The following IQCJ variants were observed in gnomAD, a reference collection of about 807,000 sequenced individuals.
The protein encoded by IQCJ is IQ motif containing J.
Under a neutral mutation model 11.0 loss-of-function variants are expected in IQCJ, and 9 were observed. That is an observed-to-expected ratio of 0.82 (90% CI 0.49 to 1.43). IQCJ has a LOEUF of 1.43. IQCJ is among the 40% of genes most tolerant of loss of function. IQCJ has a pLI of 0.00. For synonymous variants in IQCJ, 55 were observed against 51.3 expected, an observed-to-expected ratio of 1.07 and a Z score of -0.31; for missense variants, 146 against 133.2, an observed-to-expected ratio of 1.10 and a Z score of -0.47.
At chr3:159,128,109 T>A (rs1419385733) in intron 1 of IQCJ, among the ~76,000 whole-genome samples, 1 of 152,218 alleles carries the variant, frequency 6.6e-6, no homozygotes, top group Non-Finnish European at 1.5e-5. Flanking sequence ...AACACAGAAT[T>A]TTTTTATTTC....
At chr3:159,089,107 C>T (rs1007856492) in intron 1 of IQCJ, among the ~76,000 whole-genome samples, 1 of 152,070 alleles carries the variant, frequency 6.6e-6, no homozygotes, top group African/African-American at 2.4e-5. Flanking sequence ...TCTTTTAGGG[C>T]AGGCCTGGTG....
chr3:159,101,566 T>G lies in IQCJ; in HGVS notation c.9+32125T>G, dbSNP rs187900264. 4.1e-3 allele frequency among the ~76,000 whole-genome samples: 631 copies of G among 152,340 alleles called. 2 individuals carry two copies. The highest frequency in any genetic ancestry group is 7.2e-3 in the Non-Finnish European group (487 of 68,042). On this transcript the variant is annotated intron_variant, in intron 1 of 3. Coordinates refer to ENST00000397832, the MANE Select transcript of IQCJ (RefSeq NM_001042706.3). ...GTGTTTCATTATAACGGCAACCTTCTTTGTTCATTGACATCTTCTCTGCAC... is the reference window on the plus strand; with the variant it reads ...GTGTTTCATTATAACGGCAACCTTCGTTGTTCATTGACATCTTCTCTGCAC...
chr3:159,146,320 T>TAA, intron 1 of IQCJ, among the ~76,000 whole-genome samples: 1 of 150,400 alleles, frequency 6.6e-6, no homozygotes, highest in East Asian at 1.9e-4. Flanking sequence ...TAAATCCAAG[T>TAA]AAAAAAAAAG....
chr3:159,253,680 C>T (rs1009624930), intron 3 of IQCJ, among the ~76,000 whole-genome samples: 3 of 151,524 alleles, frequency 2.0e-5, no homozygotes, highest in South Asian at 2.1e-4. Context: ...AGAATTTAAA[C>T]GAGAATGTTA....
Position 159,129,234 on chromosome 3 carries a change from T to TGA in IQCJ, c.9+59793_9+59794insGA. On this transcript the variant is annotated intron_variant, in intron 1 of 3. Coordinates refer to ENST00000397832, the MANE Select transcript of IQCJ (RefSeq NM_001042706.3). ...TTGCCTGGGCCACACATCCTGTAAC[T>TGA]AGCAGAAAGTTGGGATGATAACAAG... Among the ~76,000 whole-genome samples, 2 of 152,192 alleles carry TGA rather than the reference T, an allele frequency of 1.3e-5. 1 individual carries two copies. The highest frequency in any genetic ancestry group is 4.1e-4 in the South Asian group (2 of 4,828).
At chr3:159,250,150 A>G (rs1161953659) in intron 2 of IQCJ, among the ~76,000 whole-genome samples, 1 of 152,236 alleles carries the variant, frequency 6.6e-6, no homozygotes, top group Non-Finnish European at 1.5e-5. Context: ...TAATCATTTT[A>G]TTACCCACAG....
At chr3:159,170,197 G>A (rs889772782) in intron 1 of IQCJ, among the ~76,000 whole-genome samples, 2 of 152,090 alleles carry the variant, frequency 1.3e-5, no homozygotes, top group African/African-American at 2.4e-5. Flanking sequence ...CTTCCACTGA[G>A]AGGTCAAGGA....
chr3:159,245,771 A>G, intron 1 of IQCJ, 72 bp from the exon 2 acceptor site: 3 of 1,319,450 alleles, frequency 2.3e-6, no homozygotes, highest in South Asian at 1.3e-5. Flanking sequence ...TTTTGCTAAC[A>G]GTTATGCTTG....
intron 1 of IQCJ, among the ~76,000 whole-genome samples, chr3:159,154,028 A>G (rs778133091): frequency 2.6e-5 from 4 of 152,326 alleles, no homozygotes; most frequent in South Asian, 2.1e-4. Flanking sequence ...TGAATTAGCC[A>G]TAATAAATCC....
downstream of IQCJ, chr3:159,263,848 T>A (rs1728353784): frequency 2.0e-6 from 2 of 979,132 alleles, no homozygotes; most frequent in Non-Finnish European, 1.2e-6. Context: ...ACAGCAGAAA[T>A]TGAACATTTA....
chr3:159,174,371 G>A (rs1019420411), intron 1 of IQCJ, among the ~76,000 whole-genome samples: 1 of 152,010 alleles, frequency 6.6e-6, no homozygotes, highest in Admixed American at 6.6e-5. Flanking sequence ...CTCTCAAGGT[G>A]CAAATGGGTG....
chr3:159,126,873 C>T (rs1489228568), intron 1 of IQCJ, among the ~76,000 whole-genome samples: 1 of 152,158 alleles, frequency 6.6e-6, no homozygotes, highest in Non-Finnish European at 1.5e-5. Context: ...CTGTTTTCAG[C>T]CTCGGCTGAT....
At chr3:159,264,590 T>C (rs943751289), downstream of IQCJ, among the ~76,000 whole-genome samples, 12 of 152,210 alleles carry the variant, frequency 7.9e-5, no homozygotes, top group Admixed American at 7.9e-4. Flanking sequence ...TGAGGATGAC[T>C]GTATTCAGTG....
At chr3:159,200,100 CATAA>C in intron 1 of IQCJ, among the ~76,000 whole-genome samples, 1 of 89,648 alleles carries the variant, frequency 1.1e-5, no homozygotes, top group South Asian at 4.8e-4. Flanking sequence ...TGTGTTTATA[CATAA>C]ATATATATAT....
In IQCJ at chr3:159,073,042, T is replaced by C. The variant is rs148233822; in HGVS notation, c.9+3601T>C. On this transcript the variant is annotated intron_variant, in intron 1 of 3. Coordinates refer to ENST00000397832, the MANE Select transcript of IQCJ (RefSeq NM_001042706.3). Reference sequence around the variant, plus strand: ...AAGACAAATGGGGAAGGAAGCAAAATTGGGCAGGGAGAGCCTTCTGACCAC... The same window carrying C: ...AAGACAAATGGGGAAGGAAGCAAAACTGGGCAGGGAGAGCCTTCTGACCAC... 3.9e-3 allele frequency among the ~76,000 whole-genome samples: 590 copies of C among 152,064 alleles called. 6 individuals carry two copies. Among genetic ancestry groups the C allele is most frequent in the African/African-American group, 0.013 (518 of 41,436 alleles).
intron 1 of IQCJ, among the ~76,000 whole-genome samples, chr3:159,088,188 T>C (rs1330603489): frequency 6.6e-6 from 1 of 152,200 alleles, no homozygotes; most frequent in Admixed American, 6.5e-5. Flanking sequence ...CCAGTAATCA[T>C]TCAGGAGCAG....
At chr3:159,238,931 C>T (rs1055143728) in intron 1 of IQCJ, among the ~76,000 whole-genome samples, 2 of 152,082 alleles carry the variant, frequency 1.3e-5, no homozygotes, top group Non-Finnish European at 2.9e-5. Context: ...TCTAACCTGA[C>T]AGCAACAGGG....
intron 1 of IQCJ, among the ~76,000 whole-genome samples, chr3:159,218,227 T>G (rs192238564): frequency 4.6e-4 from 70 of 152,134 alleles, no homozygotes; most frequent in Non-Finnish European, 9.9e-4. Context: ...GTCAAACAGC[T>G]AGCAAGGGGA....
At chr3:159,230,678 A>G (rs546949915) in intron 1 of IQCJ, among the ~76,000 whole-genome samples, 2 of 152,356 alleles carry the variant, frequency 1.3e-5, no homozygotes, top group East Asian at 1.9e-4. Context: ...GGCCTATGGC[A>G]TTTAAAAGAA....
Sources: allele counts gnomAD v4.1 joint callset (sites outside exome capture counted in the v4.1 genomes callset), GRCh38; gene constraint gnomAD v4.1.1; transcripts MANE v1.5; gene names NCBI Gene and HGNC (gene_info 2026-07-23, HGNC 2026-07-21).